The following XRCC2 variants were observed in gnomAD, a reference collection of about 807,000 sequenced individuals.
The protein encoded by XRCC2 is DNA repair protein XRCC2.
XRCC2 carries 24 observed loss-of-function variants against 27.3 expected under a neutral mutation model. The ratio of observed to expected loss-of-function variants is 0.88; its 90% CI spans 0.64 to 1.24. XRCC2 has a LOEUF of 1.24. Among genes scored for constraint, XRCC2 ranks in the 50% most tolerant of loss-of-function variants. The pLI, the probability that XRCC2 is intolerant of heterozygous loss-of-function variation, is 0.00. For synonymous variants in XRCC2, 106 were observed against 115.4 expected, an observed-to-expected ratio of 0.92 and a Z score of 0.52; for missense variants, 321 against 325.8, an observed-to-expected ratio of 0.99 and a Z score of 0.11.
chr7:152,665,942 T>C (rs1307250886), intron 1 of XRCC2, among the ~76,000 whole-genome samples: 5 of 152,200 alleles, frequency 3.3e-5, no homozygotes, highest in African/African-American at 1.2e-4. Flanking sequence ...AGAGGATGGA[T>C]GTTCTTCATA....
chr7:152,673,192 CTTTT>C (rs1419006850), intron 1 of XRCC2, among the ~76,000 whole-genome samples: 3 of 151,744 alleles, frequency 2.0e-5, no homozygotes, highest in Non-Finnish European at 2.9e-5. Context: ...AATATATATT[CTTTT>C]TTTTGAGACA....
rs762701579 is a variant in XRCC2, at chr7:152,676,073, T to C, written c.7A>G (p.Ser3Gly). The change falls in exon 1 of 3, where the codon AGT (serine) becomes GGT (glycine). Residue 3 changes from serine (S) to glycine (G), a missense_variant. Coordinates refer to ENST00000359321, the MANE Select transcript of XRCC2 (RefSeq NM_005431.2). ...CCAGACTCAGCCCTATGGAAGGCACTACACATCGCCCCGAAGGCTCGGCGC... is the reference window on the plus strand; with the variant it reads ...CCAGACTCAGCCCTATGGAAGGCACCACACATCGCCCCGAAGGCTCGGCGC... MCSAFHRAESGTE... is the reference protein window; with the variant it reads MCGAFHRAESGTE... The C allele has an allele frequency of 2.4e-5, 39 of 1,613,716 alleles. No homozygotes were observed. Among genetic ancestry groups the C allele is most frequent in the Non-Finnish European group, 3.2e-5 (38 of 1,179,800 alleles).
At chr7:152,653,083 T>C (rs916281371) in intron 2 of XRCC2, among the ~76,000 whole-genome samples, 2 of 152,088 alleles carry the variant, frequency 1.3e-5, no homozygotes, top group Non-Finnish European at 2.9e-5. Flanking sequence ...ATCCCACGTA[T>C]TGTGGGAGGG....
intron 2 of XRCC2, among the ~76,000 whole-genome samples, chr7:152,655,313 A>G (rs1261281073): frequency 2.6e-5 from 4 of 152,244 alleles, no homozygotes; most frequent in African/African-American, 7.2e-5. Context: ...TACCAATTAT[A>G]TAACAAATAT....
intron 2 of XRCC2, 75 bp downstream of exon 2, chr7:152,660,626 G>A (rs1191091755): frequency 8.1e-7 from 1 of 1,240,060 alleles, no homozygotes; most frequent in East Asian, 2.3e-5. Flanking sequence ...AGGAGTATGT[G>A]TATACATGTG....
At chr7:152,672,608 A>G (rs894431582) in intron 1 of XRCC2, among the ~76,000 whole-genome samples, 2 of 152,194 alleles carry the variant, frequency 1.3e-5, no homozygotes, top group Non-Finnish European at 2.9e-5. Flanking sequence ...CTTCCAGTCC[A>G]ATATTCTCTA....
intron 1 of XRCC2, among the ~76,000 whole-genome samples, chr7:152,667,002 A>T (rs1186328138): frequency 2.0e-5 from 3 of 152,216 alleles, no homozygotes; most frequent in Non-Finnish European, 4.4e-5. Context: ...AATGAATAAC[A>T]TCCTCATTAG....
Position 152,645,079 on chromosome 7 carries a change from A to G in XRCC2, c.*3563T>C, listed in dbSNP as rs2098025171. 6.6e-6 allele frequency: 1 copy of G among 152,158 alleles called. No individual in the cohort carries two copies. Among genetic ancestry groups the G allele is most frequent in the African/African-American group, 2.4e-5 (1 of 41,450 alleles). The allele number at this position is 152,158 out of a possible 1,614,324, so 9.4% of individuals were successfully genotyped here. On this transcript the variant is annotated 3_prime_UTR_variant, in exon 3 of 3. Coordinates refer to ENST00000359321, the MANE Select transcript of XRCC2 (RefSeq NM_005431.2). ...GCCTCCAAGAGTGTGTTTACGTAAA[A>G]TTAAATGAGCGCTGGCAGTGAGCTG...
intron 1 of XRCC2, among the ~76,000 whole-genome samples, chr7:152,675,588 G>T (rs370903842): frequency 6.6e-6 from 1 of 152,140 alleles, no homozygotes. Flanking sequence ...CTACAGGGAG[G>T]TGAGGCAACC....
chr7:152,653,145 C>T (rs936461730), intron 2 of XRCC2, among the ~76,000 whole-genome samples: 9 of 152,046 alleles, frequency 5.9e-5, no homozygotes, highest in African/African-American at 1.4e-4. Flanking sequence ...GTGCTGTTCT[C>T]GTGATAGTGA....
At chr7:152,659,007 A>G (rs957107185) in intron 2 of XRCC2, among the ~76,000 whole-genome samples, 9 of 152,240 alleles carry the variant, frequency 5.9e-5, no homozygotes, top group Non-Finnish European at 1.2e-4. Context: ...TTATGTGATC[A>G]TATGGTAGCT....
chr7:152,660,399 C>T lies in XRCC2; in HGVS notation c.121+302G>A, dbSNP rs566540510. Among the ~76,000 whole-genome samples, 32 of 152,276 alleles carry T rather than the reference C, an allele frequency of 2.1e-4. 1 individual carries two copies. The South Asian group carries it at 4.6e-3, about 22-fold the overall frequency. The stretch of plus-strand genomic sequence containing the variant: ...ACCCAAGGACTTCCCTACAACTCCG[C>T]AAGCTTCTAAAGAAAAGGAATTTCA... On this transcript the variant is annotated intron_variant, in intron 2 of 2. Transcript: ENST00000359321.
At chr7:152,671,942 G>A (rs1351552290) in intron 1 of XRCC2, among the ~76,000 whole-genome samples, 1 of 152,128 alleles carries the variant, frequency 6.6e-6, no homozygotes, top group Admixed American at 6.6e-5. Context: ...TCGGGAGGCT[G>A]AGGTGGGAGA....
intron 1 of XRCC2, among the ~76,000 whole-genome samples, chr7:152,665,649 T>C (rs894577843): frequency 6.6e-6 from 1 of 151,960 alleles, no homozygotes; most frequent in Non-Finnish European, 1.5e-5. Context: ...CCAGCTAATT[T>C]TTTTTGTTAT....
chr7:152,661,136 A>G (rs1400883459), intron 1 of XRCC2, among the ~76,000 whole-genome samples: 1 of 152,172 alleles, frequency 6.6e-6, no homozygotes, highest in African/African-American at 2.4e-5. Context: ...CCCTATCTCA[A>G]AAAAAATTTT....
At position 152,666,910 on chromosome 7, in the gene XRCC2, G is replaced by A. The variant is rs1275139501; in HGVS notation, c.40-6128C>T. Among the ~76,000 whole-genome samples, 4 of 151,878 alleles carry A rather than the reference G, an allele frequency of 2.6e-5. No individual in the cohort carries two copies. The East Asian group carries it at 5.8e-4, about 22-fold the overall frequency. On this transcript the variant is annotated intron_variant, in intron 1 of 2. Transcript: ENST00000359321. ...TGGGATTACAGGCATGAGCCACTGCGCCCAGCAAGACAGAGAGACTTTCAT... is the reference window on the plus strand; with the variant it reads ...TGGGATTACAGGCATGAGCCACTGCACCCAGCAAGACAGAGAGACTTTCAT...
intron 1 of XRCC2, among the ~76,000 whole-genome samples, chr7:152,670,085 T>C (rs947446428): frequency 4.6e-5 from 7 of 152,168 alleles, no homozygotes; most frequent in African/African-American, 1.7e-4. Context: ...TACATAGTTC[T>C]TTCAGGTAAA....
chr7:152,660,832 C>T (rs777150872), intron 1 of XRCC2, 50 bp from the exon 2 acceptor site: 3 of 1,461,790 alleles, frequency 2.1e-6, no homozygotes, highest in Non-Finnish European at 2.8e-6. Context: ...ATATAAAATC[C>T]TAGACATCTA....
intron 1 of XRCC2, among the ~76,000 whole-genome samples, chr7:152,665,459 A>G (rs1352724620): frequency 6.8e-6 from 1 of 146,088 alleles, no homozygotes; most frequent in Non-Finnish European, 1.5e-5. Context: ...TCCTGGGTAA[A>G]AGATTTCACT....
Sources: gnomAD v4.1 joint callset for allele counts (sites outside exome capture counted in the v4.1 genomes callset) on GRCh38, gnomAD v4.1.1 for gene constraint, MANE v1.5 for transcripts, NCBI Gene and HGNC (gene_info 2026-07-23, HGNC 2026-07-21) for gene names.